The following LRP1B variants were observed in gnomAD, a reference collection of about 807,000 sequenced individuals.
LRP1B encodes LDL receptor related protein 1B.
LRP1B carries 217 observed loss-of-function variants against 556.6 expected under a neutral mutation model. The observed-to-expected ratio is 0.39, with a 90% CI of 0.35 to 0.44. The LOEUF is 0.44. LRP1B is among the 20% of genes least tolerant of loss of function. The pLI is 1.00. For synonymous variants in LRP1B, 2,047 were observed against 1,865.8 expected (o/e 1.10, Z -2.50); for missense variants, 5,053 against 5,620.8 (o/e 0.90, Z 3.23).
chr2:140,840,154 T>TA (rs1298511298), intron 30 of LRP1B, 69 bp from the exon 31 acceptor site: 1 of 836,866 alleles, frequency 1.2e-6, no homozygotes, highest in Non-Finnish European at 1.9e-6. Flanking sequence ...AAATATACAC[T>TA]AAAAAACAAA....
chr2:141,783,883 C>T (rs1364025861), intron 2 of LRP1B, among the ~76,000 whole-genome samples: 1 of 151,690 alleles, frequency 6.6e-6, no homozygotes, highest in Non-Finnish European at 1.5e-5. Context: ...AAATTATCTT[C>T]AGTGTTATTT....
intron 2 of LRP1B, among the ~76,000 whole-genome samples, chr2:141,592,232 G>A (rs1458289870): frequency 1.3e-5 from 2 of 152,060 alleles, no homozygotes; most frequent in African/African-American, 4.8e-5. Flanking sequence ...AGTCTGTTCA[G>A]GCTGCTAGAA....
intron 2 of LRP1B, among the ~76,000 whole-genome samples, chr2:141,632,654 T>G (rs1346650473): frequency 6.6e-6 from 1 of 152,104 alleles, no homozygotes; most frequent in Non-Finnish European, 1.5e-5. Flanking sequence ...TATTTTTAAA[T>G]TTTTTTGTTT....
At chr2:141,168,883 AC>A (rs1222238415) in intron 7 of LRP1B, among the ~76,000 whole-genome samples, 2 of 152,116 alleles carry the variant, frequency 1.3e-5, no homozygotes, top group Non-Finnish European at 2.9e-5. Flanking sequence ...CAAAGAGCTT[AC>A]AAAATAACAC....
intron 2 of LRP1B, among the ~76,000 whole-genome samples, chr2:141,763,665 T>C (rs1479459009): frequency 6.6e-6 from 1 of 152,144 alleles, no homozygotes; most frequent in African/African-American, 2.4e-5. Flanking sequence ...AAAAATAGTG[T>C]TTTTATAATT....
Position 140,315,060 on chromosome 2 carries a change from C to T in LRP1B, c.12680G>A (p.Cys4227Tyr), listed in dbSNP as rs1443760467. 1 of 1,610,540 alleles carries T rather than the reference C, an allele frequency of 6.2e-7. No individual in the cohort carries two copies. The highest frequency in any genetic ancestry group is 8.5e-7 in the Non-Finnish European group (1 of 1,178,104). ...CAAATCACCTTTCTCATTTAAAATG[C>T]ATCTTCCTCCATTTTCACAAGTTAA... ...CKLTCENGGR[C>Y]ILNEKGDLRC... is the part of the protein sequence containing the mutation. Residue 4227 changes from cysteine (C) to tyrosine (Y), a missense_variant, in exon 83 of 91, where the codon TGC (cysteine) becomes TAC (tyrosine). By Grantham distance (194) the Cys-to-Tyr change is radical. Around this residue, in one of 5 missense-constraint regions of LRP1B, gnomAD observed 551 missense variants for 592.0 expected, o/e 0.93. Coordinates refer to ENST00000389484, the MANE Select transcript of LRP1B (RefSeq NM_018557.3).
intron 3 of LRP1B, among the ~76,000 whole-genome samples, chr2:141,424,836 G>A (rs1275421317): frequency 6.6e-6 from 1 of 151,938 alleles, no homozygotes; most frequent in African/African-American, 2.4e-5. Flanking sequence ...CTAGCCTTTG[G>A]GATAACCTTG....
At chr2:140,965,411 T>C (rs2105320958) in intron 18 of LRP1B, among the ~76,000 whole-genome samples, 1 of 151,910 alleles carries the variant, frequency 6.6e-6, no homozygotes, top group East Asian at 1.9e-4. Context: ...ATGAGCAAAA[T>C]AGTACAGAAA....
At chr2:141,856,813 C>T (rs554336628) in intron 1 of LRP1B, among the ~76,000 whole-genome samples, 3 of 151,984 alleles carry the variant, frequency 2.0e-5, no homozygotes, top group South Asian at 2.1e-4. Context: ...CCCGTTTCAA[C>T]GATCTCCAGT....
At chr2:140,383,809 A>C (rs1683642638) in intron 67 of LRP1B, among the ~76,000 whole-genome samples, 1 of 152,180 alleles carries the variant, frequency 6.6e-6, no homozygotes, top group South Asian at 2.1e-4. Flanking sequence ...CGACAAGCTC[A>C]GAGTGAACAG....
intron 1 of LRP1B, among the ~76,000 whole-genome samples, chr2:142,048,667 T>C (rs1704340893): frequency 6.6e-6 from 1 of 152,074 alleles, no homozygotes; most frequent in African/African-American, 2.4e-5. Flanking sequence ...AAAAATTGCA[T>C]TTTATAGCAA....
At chr2:141,988,943 A>G (rs1478203072) in intron 1 of LRP1B, among the ~76,000 whole-genome samples, 1 of 152,036 alleles carries the variant, frequency 6.6e-6, no homozygotes, top group Non-Finnish European at 1.5e-5. Context: ...TTCTACTAGA[A>G]TCCTTAAAGA....
At chr2:142,093,720 A>C (rs2104954698) in intron 1 of LRP1B, among the ~76,000 whole-genome samples, 1 of 152,194 alleles carries the variant, frequency 6.6e-6, no homozygotes, top group East Asian at 1.9e-4. Flanking sequence ...GCTGCATTAA[A>C]GATAAAGATC....
chr2:140,233,369 G>A lies in LRP1B; in HGVS notation c.13660-43C>T, dbSNP rs753427904. On this transcript the variant is annotated intron_variant, in intron 90 of 90. Coordinates refer to ENST00000389484, the MANE Select transcript of LRP1B (RefSeq NM_018557.3). ...TAAATATAATTTTATTACTGGTCTT[G>A]GCCACATTAATTATTTACTTCCTAG... 6 of 1,404,822 alleles carry A rather than the reference G, an allele frequency of 4.3e-6. No homozygotes were observed. The East Asian group carries it at 1.5e-4, about 35-fold the overall frequency. 87.0% of individuals were successfully genotyped at this position (1,404,822 alleles called of 1,614,324 possible). A position where few individuals can be genotyped will look rare whatever the true frequency, so the allele number is the denominator to read the frequency against.
intron 2 of LRP1B, among the ~76,000 whole-genome samples, chr2:141,660,164 C>T (rs961888444): frequency 6.6e-6 from 1 of 151,988 alleles, no homozygotes; most frequent in Non-Finnish European, 1.5e-5. Flanking sequence ...AAGTGGTTGG[C>T]GTGACCCACA....
At chr2:140,238,770 G>A (rs1260721663) in intron 88 of LRP1B, among the ~76,000 whole-genome samples, 1 of 150,754 alleles carries the variant, frequency 6.6e-6, no homozygotes, top group Admixed American at 6.6e-5. Context: ...CTTTTAGTAT[G>A]TCCATCACCC....
At chr2:141,222,001 C>T (rs1372609824) in intron 6 of LRP1B, among the ~76,000 whole-genome samples, 1 of 152,138 alleles carries the variant, frequency 6.6e-6, no homozygotes, top group Non-Finnish European at 1.5e-5. Context: ...AACACCCTAA[C>T]ATCACAATTA....
intron 41 of LRP1B, among the ~76,000 whole-genome samples, chr2:140,639,379 A>T (rs1055464178): frequency 3.3e-5 from 5 of 152,138 alleles, no homozygotes; most frequent in Non-Finnish European, 5.9e-5. Context: ...ATGGTTGAAC[A>T]CTCTTGAGTT....
At chr2:140,609,734 C>T (rs1049411779) in intron 41 of LRP1B, among the ~76,000 whole-genome samples, 2 of 152,116 alleles carry the variant, frequency 1.3e-5, no homozygotes, top group African/African-American at 4.8e-5. Context: ...TTGAGTGTTT[C>T]CATTTTGTTT....
Sources: gnomAD v4.1 joint callset for allele counts (sites outside exome capture counted in the v4.1 genomes callset) on GRCh38, gnomAD v4.1.1 for gene constraint, gnomAD v4.1.1 regional missense constraint, MANE v1.5 for transcripts, NCBI Gene and HGNC (gene_info 2026-07-23, HGNC 2026-07-21) for gene names.